The following MFSD6 variants were observed in gnomAD, a reference collection of about 807,000 sequenced individuals.
The protein encoded by MFSD6 is major facilitator superfamily domain-containing protein 6.
MFSD6 carries 26 observed loss-of-function variants against 56.3 expected under a neutral mutation model. The observed-to-expected ratio is 0.46, with a 90% CI of 0.34 to 0.64. MFSD6 has a LOEUF of 0.64. MFSD6 is among the 30% of genes least tolerant of loss of function. MFSD6 has a pLI of 0.01. For synonymous variants in MFSD6, 331 were observed against 366.9 expected (o/e 0.90, Z 1.12); for missense variants, 750 against 986.2 (o/e 0.76, Z 3.21).
rs55895701 is a variant in MFSD6 at position 190,425,568 on chromosome 2, T to G, written c.-54+10155T>G. On this transcript the variant is annotated intron_variant, in intron 2 of 7. Coordinates refer to ENST00000392328, the MANE Select transcript of MFSD6 (RefSeq NM_017694.4). This position sits in a 1 kb window ranked among gnomAD's most constrained non-coding sequence, Gnocchi z 4.3. The stretch of plus-strand genomic sequence containing the variant: ...TATTTTCTGAGACTTTTTCAAATGT[T>G]TATTTTATCAAGTGTTTTTCTGCAT... Among the ~76,000 whole-genome samples, 3,123 of 152,306 alleles carry G rather than the reference T, an allele frequency of 0.021. 119 individuals carry two copies. The highest frequency in any genetic ancestry group is 0.07 in the African/African-American group (2,922 of 41,546).
chr2:190,427,310 T>C (rs1209043798), intron 2 of MFSD6, among the ~76,000 whole-genome samples: 1 of 152,196 alleles, frequency 6.6e-6, no homozygotes, highest in Non-Finnish European at 1.5e-5. Context: ...CCATTATAGC[T>C]TGGTGAGGGC....
In MFSD6 at chr2:190,437,134, C is replaced by T. The variant is rs1287249570; in HGVS notation, c.1105C>T (p.Gln369Ter). The change falls in exon 3 of 8, where the codon CAG (glutamine) becomes TAG (stop). Residue 369 changes from glutamine to a stop codon, truncating the protein, a stop_gained. Coordinates refer to ENST00000392328, the MANE Select transcript of MFSD6 (RefSeq NM_017694.4). LOFTEE classifies it high-confidence loss of function. The surrounding 1 kb of genome is among the most constrained non-coding windows in gnomAD (Gnocchi z 5.9). ...TAAGCCCCCCGAGTACAGGAATTAC[C>T]AGATCGTCTTCATCGTCTTCGGCGT... ...GCKPPEYRNY[Q>*]IVFIVFGVLM... 1 of 1,614,238 alleles carries T rather than the reference C, an allele frequency of 6.2e-7. No individual in the cohort carries two copies. The highest frequency in any genetic ancestry group is 1.1e-5 in the South Asian group (1 of 91,086).
In MFSD6 at chr2:190,491,220, C is replaced by T. The variant is rs1689331042; in HGVS notation, c.1891+1354C>T. Among the ~76,000 whole-genome samples the T allele has an allele frequency of 6.6e-6, 1 of 152,182 alleles. No homozygotes were observed. Among genetic ancestry groups the T allele is most frequent in the African/African-American group, 2.4e-5 (1 of 41,438 alleles). ...TGGTACTGGGTTAGTTTTTAAAATA[C>T]TTGTGTTCTGGAGAGACTGTTATTG... is the stretch of plus-strand genomic sequence containing the variant. On this transcript the variant is annotated intron_variant, in intron 6 of 7. Transcript: ENST00000392328. The surrounding 1 kb of genome is among the most constrained non-coding windows in gnomAD (Gnocchi z 4.2).
rs1690520886 is a variant in MFSD6 at position 190,410,659 on chromosome 2, A to C, written c.-176+2156A>C. ...CTTTGTTTTACTTCCTTTGACAGCA[A>C]ATCTTAATTTGGCAATCTCATTATA... On this transcript the variant is annotated intron_variant, in intron 1 of 7. Transcript: ENST00000392328. This position sits in a 1 kb window ranked among gnomAD's most constrained non-coding sequence, Gnocchi z 4.4. 6.6e-6 allele frequency among the ~76,000 whole-genome samples: 1 copy of C among 152,238 alleles called. No homozygotes were observed. Among genetic ancestry groups the C allele is most frequent in the Non-Finnish European group, 1.5e-5 (1 of 68,038 alleles).
intron 4 of MFSD6, among the ~76,000 whole-genome samples, chr2:190,484,899 T>C (rs1381829430): frequency 6.6e-6 from 1 of 152,180 alleles, no homozygotes; most frequent in Non-Finnish European, 1.5e-5. Context: ...TTCATTCTTC[T>C]GCTTTTAGTA....
chr2:190,444,616 T>C (rs996205979), intron 3 of MFSD6, among the ~76,000 whole-genome samples: 1 of 152,212 alleles, frequency 6.6e-6, no homozygotes, highest in African/African-American at 2.4e-5. Flanking sequence ...TTTTTGTTTG[T>C]GTTTTTCATT....
chr2:190,420,525 A>G (rs1358379479), intron 2 of MFSD6, among the ~76,000 whole-genome samples: 1 of 152,200 alleles, frequency 6.6e-6, no homozygotes, highest in Admixed American at 6.5e-5. Flanking sequence ...CATTTAGCCC[A>G]TATCAACCTC....
chr2:190,469,516 G>T lies in MFSD6; in HGVS notation c.1533-242G>T, dbSNP rs1487942202. 4.9e-6 allele frequency: 1 copy of T among 203,880 alleles called. No homozygotes were observed. The highest frequency in any genetic ancestry group is 9.7e-6 in the Non-Finnish European group (1 of 103,134). The allele number at this position is 203,880 out of a possible 1,614,324, so 12.6% of individuals were successfully genotyped here. On this transcript the variant is annotated intron_variant, in intron 3 of 7. Transcript: ENST00000392328. This position sits in a 1 kb window ranked among gnomAD's most constrained non-coding sequence, Gnocchi z 5.3. ...TCACTTTTATATTAACAAGCATTTTGAAAAGGCTGAGGGCAGATATGTTAG... is the reference window on the plus strand; with the variant it reads ...TCACTTTTATATTAACAAGCATTTTTAAAAGGCTGAGGGCAGATATGTTAG...
At position 190,413,167 on chromosome 2, in the gene MFSD6, TC is replaced by T. The variant is rs1390830468; in HGVS notation, c.-175-2123del. On this transcript the variant is annotated intron_variant, in intron 1 of 7. Coordinates refer to ENST00000392328, the MANE Select transcript of MFSD6 (RefSeq NM_017694.4). This position sits in a 1 kb window ranked among gnomAD's most constrained non-coding sequence, Gnocchi z 4.1. Reference sequence around the variant, plus strand: ...TCAAAGTAGCCTCTCCCTGCCTTGATCCATTATGATGTAAATCTAGCTGAGC... The same window carrying T: ...TCAAAGTAGCCTCTCCCTGCCTTGATCATTATGATGTAAATCTAGCTGAGC... 6.6e-6 allele frequency among the ~76,000 whole-genome samples: 1 copy of T among 152,138 alleles called. No homozygotes were observed. Among genetic ancestry groups the T allele is most frequent in the Non-Finnish European group, 1.5e-5 (1 of 68,016 alleles).
chr2:190,429,227 C>CGT (rs34375122), intron 2 of MFSD6, among the ~76,000 whole-genome samples: 81,336 of 148,740 alleles, frequency 0.55, 22,409 homozygotes, highest in Admixed American at 0.65. Flanking sequence ...TCTTTTGTTA[C>CGT]GTGTGTGTGT....
At chr2:190,486,558 A>G (rs1446572584) in intron 4 of MFSD6, among the ~76,000 whole-genome samples, 3 of 152,094 alleles carry the variant, frequency 2.0e-5, no homozygotes, top group Non-Finnish European at 4.4e-5. Context: ...TTTGCTTCCC[A>G]TCTCTCAGGG....
Position 190,432,739 on chromosome 2 carries a change from C to T in MFSD6, c.-53-3238C>T, listed in dbSNP as rs142458905. On this transcript the variant is annotated intron_variant, in intron 2 of 7. Coordinates refer to ENST00000392328, the MANE Select transcript of MFSD6 (RefSeq NM_017694.4). ...GCCAAAATCTCTGTGTTTTACTTTC[C>T]AGAGGAAAATAACCTGCATTTGTTT... Among the ~76,000 whole-genome samples, 748 of 152,176 alleles carry T rather than the reference C, an allele frequency of 4.9e-3. 16 individuals are homozygous for T. The highest frequency in any genetic ancestry group is 7.1e-3 in the Non-Finnish European group (483 of 68,004).
In MFSD6 at chr2:190,489,405, A is replaced by G. The variant is rs1453852958; in HGVS notation, c.1793-363A>G. ...ATGCGTGCATTTATAGCACTATTTG[A>G]GCACTGCTGTTCCAACTACAGATTA... On this transcript the variant is annotated intron_variant, in intron 5 of 7. Coordinates refer to ENST00000392328, the MANE Select transcript of MFSD6 (RefSeq NM_017694.4). The surrounding 1 kb of genome is among the most constrained non-coding windows in gnomAD (Gnocchi z 6.6). Among the ~76,000 whole-genome samples the G allele has an allele frequency of 1.3e-5, 2 of 152,218 alleles. No homozygotes were observed. Among genetic ancestry groups the G allele is most frequent in the Non-Finnish European group, 2.9e-5 (2 of 68,036 alleles).
rs1263471196 is a variant in MFSD6, at chr2:190,485,354, C to G, written c.1631-3303C>G. ...ATTGATTGCTTAGACATACACATAA[C>G]AAGAGGTTTGGCGTCAGCATTAAAG... On this transcript the variant is annotated intron_variant, in intron 4 of 7. Transcript: ENST00000392328. This position sits in a 1 kb window ranked among gnomAD's most constrained non-coding sequence, Gnocchi z 5.1. Among the ~76,000 whole-genome samples the G allele has an allele frequency of 6.6e-6, 1 of 152,090 alleles. No individual in the cohort carries two copies. The highest frequency in any genetic ancestry group is 1.5e-5 in the Non-Finnish European group (1 of 67,990).
rs2125223202 is a variant in MFSD6, at chr2:190,485,424, A to G, written c.1631-3233A>G. ...TGTGTTTTCAGGTTTTCGGTAATTCATCTTTAAGAAATGATTTCCAAATCT... is the reference window on the plus strand; with the variant it reads ...TGTGTTTTCAGGTTTTCGGTAATTCGTCTTTAAGAAATGATTTCCAAATCT... On this transcript the variant is annotated intron_variant, in intron 4 of 7. Transcript: ENST00000392328. This position sits in a 1 kb window ranked among gnomAD's most constrained non-coding sequence, Gnocchi z 5.1. 6.6e-6 allele frequency among the ~76,000 whole-genome samples: 1 copy of G among 152,296 alleles called. No individual in the cohort carries two copies.
At position 190,456,529 on chromosome 2, in the gene MFSD6, G is replaced by T. The variant is rs1381879085; in HGVS notation, c.1533-13229G>T. Among the ~76,000 whole-genome samples, 1 of 152,206 alleles carries T rather than the reference G, an allele frequency of 6.6e-6. No individual in the cohort carries two copies. The highest frequency in any genetic ancestry group is 1.5e-5 in the Non-Finnish European group (1 of 68,026). ...GCCCCACTCCGGGAACTCCCTGGCT[G>T]CTCTAGGAACCTGCAGGGCTGATGG... On this transcript the variant is annotated intron_variant, in intron 3 of 7. Coordinates refer to ENST00000392328, the MANE Select transcript of MFSD6 (RefSeq NM_017694.4). This position sits in a 1 kb window ranked among gnomAD's most constrained non-coding sequence, Gnocchi z 5.4.
chr2:190,427,719 G>C (rs986412649), intron 2 of MFSD6, among the ~76,000 whole-genome samples: 1 of 144,854 alleles, frequency 6.9e-6, no homozygotes, highest in African/African-American at 2.7e-5. Flanking sequence ...TGGAAAAGAA[G>C]TCTACCACTT....
chr2:190,500,528 G>T lies in MFSD6; in HGVS notation c.*310G>T. ...TGCCAGTGCAGTAAGAGTTGAAACC[G>T]GCAGTTACACTAAGTAAGTGGAGGG... On this transcript the variant is annotated 3_prime_UTR_variant, in exon 8 of 8. Coordinates refer to ENST00000392328, the MANE Select transcript of MFSD6 (RefSeq NM_017694.4). This position sits in a 1 kb window ranked among gnomAD's most constrained non-coding sequence, Gnocchi z 5.3. 1 of 310,352 alleles carries T rather than the reference G, an allele frequency of 3.2e-6. No individual in the cohort carries two copies. The highest frequency in any genetic ancestry group is 6.0e-6 in the Non-Finnish European group (1 of 165,824). The allele number at this position is 310,352 out of a possible 1,614,324, so 19.2% of individuals were successfully genotyped here. A position where few individuals can be genotyped will look rare whatever the true frequency, so the allele number is the denominator to read the frequency against.
rs1006263079 is a variant in MFSD6 at position 190,425,229 on chromosome 2, A to T, written c.-54+9816A>T. Among the ~76,000 whole-genome samples, 1 of 152,198 alleles carries T rather than the reference A, an allele frequency of 6.6e-6. No individual in the cohort carries two copies. Among genetic ancestry groups the T allele is most frequent in the Non-Finnish European group, 1.5e-5 (1 of 68,030 alleles). ...CTTGCTGAACTCACTTATTAGTTCT[A>T]GAAGTTTATTTATAGGTTTCTTGGG... On this transcript the variant is annotated intron_variant, in intron 2 of 7. Transcript: ENST00000392328. This position sits in a 1 kb window ranked among gnomAD's most constrained non-coding sequence, Gnocchi z 4.3.
Sources: gnomAD v4.1 joint callset for allele counts (sites outside exome capture counted in the v4.1 genomes callset) on GRCh38, gnomAD v4.1.1 for gene constraint, Gnocchi (gnomAD v3.1) non-coding constraint, MANE v1.5 for transcripts, NCBI Gene and HGNC (gene_info 2026-07-23, HGNC 2026-07-21) for gene names.